DNAJB11: variants seen among roughly 807,000 people sequenced by gnomAD.
The protein encoded by DNAJB11 is dnaJ homolog subfamily B member 11.
In DNAJB11, 30 loss-of-function variants were observed where a neutral mutation model predicts 47.2. That is an observed-to-expected ratio of 0.64 (90% CI 0.48 to 0.86). The LOEUF is 0.86. DNAJB11 is among the 40% of genes least tolerant of loss of function. The pLI is 0.00. For synonymous variants in DNAJB11, 151 were observed against 159.9 expected, an observed-to-expected ratio of 0.94 and a Z score of 0.42; for missense variants, 357 against 440.2, an observed-to-expected ratio of 0.81 and a Z score of 1.69.
intron 2 of DNAJB11, among the ~76,000 whole-genome samples, chr3:186,573,820 G>C (rs781106787): frequency 7.2e-5 from 11 of 152,128 alleles, no homozygotes; most frequent in Non-Finnish European, 1.0e-4. Context: ...TCCATGAATA[G>C]TCCCCTTGTT....
Position 186,577,773 on chromosome 3 carries a change from A to G in DNAJB11, c.429A>G (p.Glu143=). Residue 143 remains glutamate (E), a synonymous_variant, in exon 4 of 10, where the codon GAA becomes GAG. Transcript: ENST00000265028. ...DIIVDLEVTL[E]EVYAGNFVEV... is the part of the protein sequence containing the mutation. ...TTGTAGATCTAGAAGTCACTTTGGAAGAAGTATATGCAGGAAATTTTGTGG... is the reference window on the plus strand; with the variant it reads ...TTGTAGATCTAGAAGTCACTTTGGAGGAAGTATATGCAGGAAATTTTGTGG... 1.2e-6 allele frequency: 2 copies of G among 1,606,702 alleles called. No individual in the cohort carries two copies. The highest frequency in any genetic ancestry group is 1.1e-5 in the South Asian group (1 of 89,222).
At chr3:186,581,550 AC>A in intron 5 of DNAJB11, 37 bp downstream of exon 5, 2 of 1,600,572 alleles carry the variant, frequency 1.2e-6, no homozygotes, top group Non-Finnish European at 1.7e-6. Flanking sequence ...ACCAAGAAAC[AC>A]TTGTTAATTT....
At chr3:186,584,299 T>A in intron 8 of DNAJB11, 131 bp from the exon 9 acceptor site, 1 of 905,306 alleles carries the variant, frequency 1.1e-6, no homozygotes, top group South Asian at 2.1e-5. Context: ...TAATGGTATT[T>A]CCTTTGCTCC....
intron 4 of DNAJB11, 145 bp downstream of exon 4, chr3:186,577,945 T>A: frequency 1.6e-6 from 1 of 626,184 alleles, no homozygotes. Flanking sequence ...ATTATAATGC[T>A]TGGTTCATGA....
intron 4 of DNAJB11, 176 bp from the exon 5 acceptor site, chr3:186,581,195 T>G: frequency 1.7e-6 from 1 of 589,632 alleles, no homozygotes; most frequent in Non-Finnish European, 2.9e-6. Context: ...TTCATTCCTG[T>G]TTGGGGGCTG....
chr3:186,579,287 A>G (rs1715403804), intron 4 of DNAJB11: 1 of 152,174 alleles, frequency 6.6e-6, no homozygotes. Context: ...AATTTTCTTT[A>G]TCCTTCACTG....
At position 186,582,217 on chromosome 3, in the gene DNAJB11, A is replaced by G. The variant is rs56084565; in HGVS notation, c.682+140A>G. On this transcript the variant is annotated intron_variant, in intron 6 of 9. Coordinates refer to ENST00000265028, the MANE Select transcript of DNAJB11 (RefSeq NM_016306.6). ...TATAATTTCCAACACTCTTCGGCCA[A>G]TTTTAGGATATACAAAGCCTTTTGT... 1,248 of 648,034 alleles carry G rather than the reference A, an allele frequency of 1.9e-3. 4 individuals carry two copies. Among genetic ancestry groups the G allele is most frequent in the Admixed American group, 4.0e-3 (143 of 35,494 alleles). The allele number at this position is 648,034 out of a possible 1,614,324, so 40.1% of individuals were successfully genotyped here.
At chr3:186,572,043 A>G in intron 1 of DNAJB11, 52 bp from the exon 2 acceptor site, 1 of 1,445,204 alleles carries the variant, frequency 6.9e-7, no homozygotes, top group Non-Finnish European at 9.3e-7. Flanking sequence ...TTTACTTTGA[A>G]AAATGTAACA....
At position 186,581,406 on chromosome 3, in the gene DNAJB11, T is replaced by C. The variant is rs757803411; in HGVS notation, c.492T>C (p.Pro164=). 1 of 1,613,936 alleles carries C rather than the reference T, an allele frequency of 6.2e-7. No individual in the cohort carries two copies. Among genetic ancestry groups the C allele is most frequent in the Admixed American group, 1.7e-5 (1 of 59,988 alleles). The change falls in exon 5 of 10, where the codon CCT becomes CCC. Residue 164 remains proline (P), a synonymous_variant. Transcript: ENST00000265028. ...ACAAACCTGTGGCAAGGCAGGCTCC[T>C]GGCAAACGGAAGTGCAATTGTCGGC... ...VRNKPVARQA[P]GKRKCNCRQE... is the part of the protein sequence containing the mutation.
At position 186,583,962 on chromosome 3, in the gene DNAJB11, T is replaced by C. The variant is rs1257831981; in HGVS notation, c.838T>C (p.Leu280=). ...LVGFEMDITH[L]DGHKVHISRD... ...TGGCTTTGAGATGGATATTACTCAC[T>C]TGGATGGTCACAAGGTAAACAAACC... Residue 280 remains leucine (L), a synonymous_variant, in exon 8 of 10, where the codon TTG becomes CTG. Transcript: ENST00000265028. The C allele has an allele frequency of 1.9e-6, 3 of 1,612,284 alleles. No individual in the cohort carries two copies. Among genetic ancestry groups the C allele is most frequent in the Non-Finnish European group, 2.5e-6 (3 of 1,178,500 alleles).
In DNAJB11 at chr3:186,577,704, C is replaced by A; in HGVS notation, c.360C>A (p.Thr120=). The A allele has an allele frequency of 6.2e-7, 1 of 1,603,444 alleles. No homozygotes were observed. Among genetic ancestry groups the A allele is most frequent in the Non-Finnish European group, 8.5e-7 (1 of 1,175,186 alleles). ...FGDFGFMFGG[T]PRQQDRNIPR... ...ATTTTGGTTTCATGTTTGGAGGAAC[C>A]CCTCGTCAGCAAGACAGAAATATTC... is the stretch of plus-strand genomic sequence containing the variant. The change falls in exon 4 of 10, where the codon ACC becomes ACA. Residue 120 remains threonine, a synonymous_variant. Coordinates refer to ENST00000265028, the MANE Select transcript of DNAJB11 (RefSeq NM_016306.6).
intron 2 of DNAJB11, 121 bp downstream of exon 2, chr3:186,572,372 G>GTC: frequency 9.9e-7 from 1 of 1,008,814 alleles, no homozygotes; most frequent in South Asian, 1.9e-5. Context: ...TTGAGACTGA[G>GTC]TCTCTATTGC....
At chr3:186,583,706 T>C (rs1715564698) in intron 7 of DNAJB11, among the ~76,000 whole-genome samples, 159 bp from the exon 8 acceptor site, 1 of 152,266 alleles carries the variant, frequency 6.6e-6, no homozygotes, top group Admixed American at 6.5e-5. Context: ...TAATAAGACT[T>C]AAACAACTTT....
chr3:186,575,368 C>CGCGTGTGTGTGTGT (rs1406330956), intron 2 of DNAJB11, among the ~76,000 whole-genome samples: 5 of 143,358 alleles, frequency 3.5e-5, no homozygotes, highest in African/African-American at 1.3e-4. Flanking sequence ...CGCGCGCGCG[C>CGCGTGTGTGTGTGT]GTGTGTGTGT....
At chr3:186,576,836 GC>G (rs1455264683) in intron 3 of DNAJB11, among the ~76,000 whole-genome samples, 1 of 152,112 alleles carries the variant, frequency 6.6e-6, no homozygotes, top group Non-Finnish European at 1.5e-5. Context: ...AGCTTCCCCA[GC>G]CCCCACCCTG....
At position 186,572,078 on chromosome 3, in the gene DNAJB11, C is replaced by A; in HGVS notation, c.69-17C>A. 1.3e-6 allele frequency: 2 copies of A among 1,552,390 alleles called. No individual in the cohort carries two copies. Among genetic ancestry groups the A allele is most frequent in the South Asian group, 1.2e-5 (1 of 81,848 alleles). On this transcript the variant is annotated splice_polypyrimidine_tract_variant and intron_variant, in intron 1 of 9. Coordinates refer to ENST00000265028, the MANE Select transcript of DNAJB11 (RefSeq NM_016306.6). ...ATGTAACTCTTTAATGAAGTATTCT[C>A]TCCCTCTACTTCCCAGACGAGATTT...
intron 7 of DNAJB11, among the ~76,000 whole-genome samples, chr3:186,583,386 T>A (rs1715551808): frequency 6.6e-6 from 1 of 152,226 alleles, no homozygotes; most frequent in Non-Finnish European, 1.5e-5. Context: ...CCCCAGCTTC[T>A]TTACCTACCT....
intron 2 of DNAJB11, among the ~76,000 whole-genome samples, chr3:186,573,674 C>T (rs1313245617): frequency 1.3e-5 from 2 of 152,314 alleles, no homozygotes; most frequent in African/African-American, 2.4e-5. Flanking sequence ...CATGAGCCAC[C>T]GTGCCTGGCC....
At chr3:186,573,437 T>C (rs1715157002) in intron 2 of DNAJB11, among the ~76,000 whole-genome samples, 1 of 151,954 alleles carries the variant, frequency 6.6e-6, no homozygotes, top group Non-Finnish European at 1.5e-5. Context: ...CAAGCTGGAG[T>C]AGAGTGGCAC....
Sources: gnomAD v4.1 joint callset for allele counts (sites outside exome capture counted in the v4.1 genomes callset) on GRCh38, gnomAD v4.1.1 for gene constraint, MANE v1.5 for transcripts, NCBI Gene and HGNC (gene_info 2026-07-23, HGNC 2026-07-21) for gene names.